Variants in CSNK1G1 observed in about 807,000 individuals in gnomAD.
CSNK1G1 encodes casein kinase I isoform gamma-1.
Under a neutral mutation model 59.6 loss-of-function variants are expected in CSNK1G1, and 22 were observed. The observed-to-expected ratio is 0.37, with a 90% CI of 0.26 to 0.53. The LOEUF is 0.53. Ranked by LOEUF, CSNK1G1 falls within the 20% of genes least tolerant of loss-of-function variation. The pLI, the probability that CSNK1G1 is intolerant of heterozygous loss-of-function variation, is 0.89. For synonymous variants in CSNK1G1, 179 were observed against 177.1 expected, an observed-to-expected ratio of 1.01 and a Z score of -0.08; for missense variants, 384 against 519.5, an observed-to-expected ratio of 0.74 and a Z score of 2.54.
intron 4 of CSNK1G1, among the ~76,000 whole-genome samples, chr15:64,236,381 A>G (rs977306624): frequency 5.9e-5 from 9 of 152,170 alleles, no homozygotes; most frequent in Non-Finnish European, 1.2e-4. Context: ...ATGGGAGAAA[A>G]TAACTGCAAC....
intron 3 of CSNK1G1, among the ~76,000 whole-genome samples, chr15:64,255,249 G>A (rs1435573420): frequency 2.0e-5 from 3 of 152,030 alleles, no homozygotes; most frequent in African/African-American, 7.2e-5. Context: ...GCTAATTTTT[G>A]TATTTTTAGT....
chr15:64,256,354 C>T (rs1004087187), intron 3 of CSNK1G1, among the ~76,000 whole-genome samples: 16 of 152,324 alleles, frequency 1.1e-4, no homozygotes, highest in East Asian at 1.9e-4. Context: ...TTCAATCTGA[C>T]GTTGGGTAGC....
At chr15:64,344,583 G>A (rs1325034006) in intron 1 of CSNK1G1, among the ~76,000 whole-genome samples, 2 of 152,086 alleles carry the variant, frequency 1.3e-5, no homozygotes, top group African/African-American at 4.8e-5. Context: ...GTACCTGAAA[G>A]AAATATACAC....
chr15:64,179,090 G>C (rs2081777114), intron 11 of CSNK1G1, among the ~76,000 whole-genome samples: 1 of 140,750 alleles, frequency 7.1e-6, no homozygotes, highest in African/African-American at 2.7e-5. Flanking sequence ...TCATCAAATA[G>C]ACTGGCAGGG....
intron 2 of CSNK1G1, among the ~76,000 whole-genome samples, chr15:64,269,118 T>C (rs1300258055): frequency 6.6e-6 from 1 of 152,232 alleles, no homozygotes; most frequent in Admixed American, 6.5e-5. Context: ...TAAATGTATG[T>C]ATAGCCCACA....
At chr15:64,178,310 C>T (rs1373168188) in intron 11 of CSNK1G1, among the ~76,000 whole-genome samples, 2 of 151,962 alleles carry the variant, frequency 1.3e-5, no homozygotes, top group South Asian at 2.1e-4. Context: ...CCTGGCATAA[C>T]CAGCATAACC....
rs928921482 is a variant in CSNK1G1, at chr15:64,210,259, T to C, written c.680-2665A>G. Among the ~76,000 whole-genome samples the C allele has an allele frequency of 1.3e-5, 2 of 152,200 alleles. No individual in the cohort carries two copies. Among genetic ancestry groups the C allele is most frequent in the Non-Finnish European group, 2.9e-5 (2 of 68,028 alleles). On this transcript the variant is annotated intron_variant, in intron 6 of 11. Coordinates refer to ENST00000303052, the MANE Select transcript of CSNK1G1 (RefSeq NM_022048.5). This position sits in a 1 kb window ranked among gnomAD's most constrained non-coding sequence, Gnocchi z 4.2. The stretch of plus-strand genomic sequence containing the variant: ...CCTACTTTGGGTCTCAGTTTCCTCA[T>C]CTGAAAATAAAGTGTTCAATCTGGG...
At chr15:64,226,750 AT>A (rs2082468338) in intron 4 of CSNK1G1, among the ~76,000 whole-genome samples, 1 of 152,134 alleles carries the variant, frequency 6.6e-6, no homozygotes, top group South Asian at 2.1e-4. Context: ...TATCTACTGA[AT>A]TTCAAAATCT....
chr15:64,272,023 G>T (rs990046753), intron 2 of CSNK1G1, among the ~76,000 whole-genome samples: 27 of 151,932 alleles, frequency 1.8e-4, no homozygotes, highest in African/African-American at 6.0e-4. Context: ...TATCTTTTTT[G>T]ATTTTTGTTG....
rs1235433603 is a variant in CSNK1G1 at position 64,300,462 on chromosome 15, C to T, written c.38G>A (p.Arg13Gln). ...HPSREKDERQ[R>Q]TTKPMAQRSA... ...CCTTTGTGCCATGGGTTTAGTTGTC[C>T]GTTGTCTTTCATCCTTTTCCCTACT... The change falls in exon 2 of 12, where the codon CGG becomes CAG. Residue 13 changes from arginine to glutamine, a missense_variant. Arg to Gln is a conservative substitution (Grantham distance 43, BLOSUM62 1). Around this residue, in one of 3 missense-constraint regions of CSNK1G1, gnomAD observed 56 missense variants for 60.8 expected, o/e 0.92. Transcript: ENST00000303052. The T allele has an allele frequency of 1.9e-6, 3 of 1,614,000 alleles. No homozygotes were observed. Among genetic ancestry groups the T allele is most frequent in the South Asian group, 1.1e-5 (1 of 91,072 alleles).
At chr15:64,262,329 G>A (rs1338349505) in intron 2 of CSNK1G1, among the ~76,000 whole-genome samples, 1 of 152,242 alleles carries the variant, frequency 6.6e-6, no homozygotes, top group East Asian at 1.9e-4. Context: ...AGAAGAGCTT[G>A]GATACGGAGG....
At chr15:64,197,771 T>G (rs2082056110) in intron 10 of CSNK1G1, among the ~76,000 whole-genome samples, 1 of 152,142 alleles carries the variant, frequency 6.6e-6, no homozygotes, top group South Asian at 2.1e-4. Context: ...TTAAAAATCT[T>G]TAGTCCCTAT....
chr15:64,331,259 C>A (rs1228457918), intron 1 of CSNK1G1, among the ~76,000 whole-genome samples: 1 of 133,154 alleles, frequency 7.5e-6, no homozygotes, highest in Non-Finnish European at 1.6e-5. Flanking sequence ...AGGCATCACA[C>A]TACCTGACTT....
At chr15:64,274,105 C>A (rs1596198629) in intron 2 of CSNK1G1, among the ~76,000 whole-genome samples, 1 of 152,192 alleles carries the variant, frequency 6.6e-6, no homozygotes, top group African/African-American at 2.4e-5. Flanking sequence ...CTTGCGTTTA[C>A]TTAATTTCTC....
chr15:64,311,739 G>A (rs1779431288), intron 1 of CSNK1G1, among the ~76,000 whole-genome samples: 2 of 150,962 alleles, frequency 1.3e-5, no homozygotes, highest in African/African-American at 4.9e-5. Flanking sequence ...AATTAGTCAG[G>A]TGCAGTGGTG....
chr15:64,190,252 T>C (rs2081952924), intron 10 of CSNK1G1, among the ~76,000 whole-genome samples: 1 of 152,190 alleles, frequency 6.6e-6, no homozygotes, highest in South Asian at 2.1e-4. Flanking sequence ...ATGGACTTGC[T>C]CTATTACCTT....
At chr15:64,286,820 A>T (rs1267712600) in intron 2 of CSNK1G1, among the ~76,000 whole-genome samples, 1 of 152,168 alleles carries the variant, frequency 6.6e-6, no homozygotes, top group Non-Finnish European at 1.5e-5. Flanking sequence ...ATAATATTAA[A>T]CTTCACAATA....
intron 10 of CSNK1G1, among the ~76,000 whole-genome samples, chr15:64,182,213 G>A (rs1401196255): frequency 2.0e-5 from 3 of 151,796 alleles, no homozygotes; most frequent in African/African-American, 7.3e-5. Flanking sequence ...ACAGGTATGT[G>A]CCACCACACC....
At chr15:64,299,065 A>G (rs1367199930) in intron 2 of CSNK1G1, among the ~76,000 whole-genome samples, 1 of 151,954 alleles carries the variant, frequency 6.6e-6, no homozygotes, top group Non-Finnish European at 1.5e-5. Context: ...TAGCAGAGGT[A>G]ACAAACATAA....
Sources: allele counts gnomAD v4.1 joint callset (sites outside exome capture counted in the v4.1 genomes callset), GRCh38; gene constraint gnomAD v4.1.1; regional missense constraint gnomAD v4.1.1; non-coding constraint Gnocchi (gnomAD v3.1); transcripts MANE v1.5; gene names NCBI Gene and HGNC (gene_info 2026-07-23, HGNC 2026-07-21).